PRDX4: variants seen among roughly 807,000 people sequenced by gnomAD.
The protein encoded by PRDX4 is peroxiredoxin-4.
PRDX4 carries 12 observed loss-of-function variants against 20.5 expected under a neutral mutation model. The ratio of observed to expected loss-of-function variants is 0.58; its 90% CI spans 0.37 to 0.95. PRDX4 has a LOEUF of 0.95. Among genes scored for constraint, PRDX4 ranks in the 40% least tolerant of loss-of-function variants. The pLI is 0.01. For missense variants in PRDX4, 180 were observed against 207.3 expected (o/e 0.87, Z 0.81); for synonymous variants, 99 against 87.5 (o/e 1.13, Z -0.73).
chrX:23,667,696 G>C lies in PRDX4; in HGVS notation c.126G>C (p.Glu42Asp). The change falls in exon 1 of 7, where the codon GAG (glutamate) becomes GAC (aspartate). Residue 42 changes from glutamate (E) to aspartate (D), a missense_variant. Glu to Asp is a conservative substitution (Grantham distance 45). Around this residue, in one of 3 missense-constraint regions of PRDX4, gnomAD observed 105 missense variants for 114.2 expected, o/e 0.92. Transcript: ENST00000379341. Reference sequence around the variant, plus strand: ...CTGTGCAGGGCTGGGAGACAGAGGAGAGGCCCCGGACTCGCGAAGAGGAGT... The same window carrying C: ...CTGTGCAGGGCTGGGAGACAGAGGACAGGCCCCGGACTCGCGAAGAGGAGT... ...AGAVQGWETE[E>D]RPRTREEECH... is the part of the protein sequence containing the mutation. The C allele has an allele frequency of 1.7e-6, 2 of 1,211,523 alleles. No individual in the cohort carries two copies. The highest frequency in any genetic ancestry group is 4.3e-5 in the Admixed American group (2 of 46,112).
Position 23,674,979 on chromosome X carries a change from T to C in PRDX4, c.360-11T>C. On this transcript the variant is annotated splice_polypyrimidine_tract_variant and intron_variant, in intron 2 of 6. Coordinates refer to ENST00000379341, the MANE Select transcript of PRDX4 (RefSeq NM_006406.2). ...GAGAATACTGAATATTTTTTTTTTTTTACCTTTCAGCACATTTGTGTGTCC... is the reference window on the plus strand; with the variant it reads ...GAGAATACTGAATATTTTTTTTTTTCTACCTTTCAGCACATTTGTGTGTCC... 1 of 1,201,041 alleles carries C rather than the reference T, an allele frequency of 8.3e-7. No homozygotes were observed. Among genetic ancestry groups the C allele is most frequent in the Non-Finnish European group, 1.1e-6 (1 of 890,671 alleles).
intron 3 of PRDX4, 119 bp from the exon 4 acceptor site, chrX:23,679,046 T>A: frequency 1.3e-6 from 1 of 767,688 alleles, no homozygotes; most frequent in Non-Finnish European, 1.9e-6. Flanking sequence ...TAGCCTGTTT[T>A]TGTTAGTGAA....
chrX:23,685,558 A>G (rs1370317036), intron 6 of PRDX4, among the ~76,000 whole-genome samples: 1 of 110,174 alleles, frequency 9.1e-6, no homozygotes, highest in African/African-American at 3.3e-5. Context: ...TTGACCTCAA[A>G]GCAAAACTGT....
chrX:23,679,371 G>A (rs1834357464), intron 4 of PRDX4, 84 bp downstream of exon 4: 12 of 1,007,143 alleles, frequency 1.2e-5, no homozygotes, highest in Non-Finnish European at 1.6e-5. Flanking sequence ...TGAAATAGAA[G>A]AACAAATTTT....
chrX:23,667,858 C>G, intron 1 of PRDX4, 47 bp downstream of exon 1: 1 of 1,193,746 alleles, frequency 8.4e-7, no homozygotes, highest in Non-Finnish European at 1.1e-6. Context: ...TCCGGAGACA[C>G]GTGTACCCCG....
chrX:23,668,714 GT>G (rs1569182185), intron 1 of PRDX4, among the ~76,000 whole-genome samples: 1 of 112,021 alleles, frequency 8.9e-6, no homozygotes. Context: ...GGTTTTTATG[GT>G]TCAGTTACAG....
intron 2 of PRDX4, among the ~76,000 whole-genome samples, chrX:23,674,769 G>C (rs1378639090): frequency 8.9e-6 from 1 of 112,041 alleles, no homozygotes; most frequent in Non-Finnish European, 1.9e-5. Flanking sequence ...TAATAAGAAA[G>C]TTTATTGAGA....
intron 3 of PRDX4, among the ~76,000 whole-genome samples, chrX:23,676,944 A>G (rs1448450919): frequency 9.0e-6 from 1 of 110,951 alleles, no homozygotes; most frequent in Admixed American, 9.7e-5. Context: ...GGCTCCAACA[A>G]TCCTTCTACC....
chrX:23,684,088 C>T (rs1323149224), intron 6 of PRDX4, among the ~76,000 whole-genome samples: 1 of 106,849 alleles, frequency 9.4e-6, no homozygotes, highest in South Asian at 4.2e-4. Context: ...GAATAATCTT[C>T]CCTTGTTACT....
At chrX:23,670,494 C>G (rs483169) in intron 1 of PRDX4, among the ~76,000 whole-genome samples, 1 of 110,194 alleles carries the variant, frequency 9.1e-6, no homozygotes, top group Non-Finnish European at 1.9e-5. Flanking sequence ...TTGGAGTGAC[C>G]ATAAATGGTG....
intron 3 of PRDX4, among the ~76,000 whole-genome samples, chrX:23,676,515 G>T (rs1927952353): frequency 9.1e-6 from 1 of 110,487 alleles, no homozygotes; most frequent in Admixed American, 9.8e-5. Context: ...AAATAGCCTG[G>T]CATGGTGGCT....
chrX:23,685,655 C>A (rs935859006), intron 6 of PRDX4, among the ~76,000 whole-genome samples: 1 of 110,651 alleles, frequency 9.0e-6, no homozygotes, highest in Non-Finnish European at 1.9e-5. Flanking sequence ...GATAGATGTA[C>A]TTTACCTATA....
At chrX:23,669,579 GA>G (rs1032970502) in intron 1 of PRDX4, among the ~76,000 whole-genome samples, 13 of 110,648 alleles carry the variant, frequency 1.2e-4, no homozygotes, top group Non-Finnish European at 2.5e-4. Flanking sequence ...CCTTTAAGGA[GA>G]AAAAAAAGGC....
At chrX:23,679,945 G>A (rs1028321271) in intron 4 of PRDX4, among the ~76,000 whole-genome samples, 5 of 112,201 alleles carry the variant, frequency 4.5e-5, no homozygotes, top group Admixed American at 1.9e-4. Context: ...TCACGCCACC[G>A]CACTCCAGCC....
Position 23,682,416 on chromosome X carries a change from A to G in PRDX4, c.620A>G (p.Asp207Gly). ...TACAGAGGTCTCTTCATTATTGATGACAAAGGAATCCTAAGACAAATTACT... is the reference window on the plus strand; with the variant it reads ...TACAGAGGTCTCTTCATTATTGATGGCAAAGGAATCCTAAGACAAATTACT... ...HTLRGLFIID[D>G]KGILRQITLN... is the part of the protein sequence containing the mutation. Residue 207 changes from aspartate to glycine, a missense_variant, in exon 5 of 7, where the codon GAC becomes GGC. Asp to Gly is a moderately conservative substitution (Grantham distance 94). Transcript: ENST00000379341. 8.5e-7 allele frequency: 1 copy of G among 1,171,604 alleles called. No homozygotes were observed. The highest frequency in any genetic ancestry group is 2.4e-4 in the Middle Eastern group (1 of 4,175).
intron 5 of PRDX4, 122 bp from the exon 6 acceptor site, chrX:23,683,549 G>A (rs1928127331): frequency 4.8e-6 from 3 of 627,132 alleles, no homozygotes; most frequent in African/African-American, 4.7e-5. Flanking sequence ...GTGCTCGGTG[G>A]TCTGGAAATG....
chrX:23,669,946 TA>T (rs1275856719), intron 1 of PRDX4, among the ~76,000 whole-genome samples: 1 of 109,557 alleles, frequency 9.1e-6, no homozygotes, highest in Non-Finnish European at 1.9e-5. Context: ...TAACTAAAAT[TA>T]AAAAAAATAA....
At chrX:23,678,587 G>A (rs550745116) in intron 3 of PRDX4, among the ~76,000 whole-genome samples, 3 of 111,596 alleles carry the variant, frequency 2.7e-5, no homozygotes, top group Admixed American at 9.6e-5. Flanking sequence ...CCGAGATCAC[G>A]CTGCTGCACT....
intron 4 of PRDX4, among the ~76,000 whole-genome samples, chrX:23,679,773 T>C (rs1928028275): frequency 9.1e-6 from 1 of 109,735 alleles, no homozygotes; most frequent in Admixed American, 9.8e-5. Context: ...TGTCAAGATA[T>C]CGAGACTATC....
Sources: allele counts gnomAD v4.1 joint callset (sites outside exome capture counted in the v4.1 genomes callset), GRCh38; gene constraint gnomAD v4.1.1; regional missense constraint gnomAD v4.1.1; transcripts MANE v1.5; gene names NCBI Gene and HGNC (gene_info 2026-07-23, HGNC 2026-07-21).